The following RORA variants were observed in gnomAD, a reference collection of about 807,000 sequenced individuals.
The protein encoded by RORA is RAR related orphan receptor A, also known as nuclear receptor ROR-alpha.
In RORA, 7 loss-of-function variants were observed where a neutral mutation model predicts 69.5. The ratio of observed to expected loss-of-function variants is 0.10; its 90% CI spans 0.06 to 0.19. The LOEUF (loss-of-function observed/expected upper bound fraction) is 0.19, where lower values mean the gene tolerates loss of function less well. Ranked by LOEUF, RORA falls within the 10% of genes least tolerant of loss-of-function variation. RORA has a pLI of 1.00. For missense variants in RORA, 457 were observed against 663.0 expected (o/e 0.69, Z 3.41); for synonymous variants, 261 against 240.8 (o/e 1.08, Z -0.78).
chr15:61,062,611 C>T (rs190103972), intron 1 of RORA, among the ~76,000 whole-genome samples: 1 of 152,312 alleles, frequency 6.6e-6, no homozygotes, highest in East Asian at 1.9e-4. Context: ...ACCCCTGCTT[C>T]TCAGATGGGC....
intron 1 of RORA, among the ~76,000 whole-genome samples, chr15:61,065,995 C>T (rs1379509980): frequency 6.6e-6 from 1 of 152,190 alleles, no homozygotes; most frequent in East Asian, 1.9e-4. Context: ...ACAACTGAAT[C>T]CCATGCTCAA....
rs567600791 is a variant in RORA, at chr15:60,702,091, G to A, written c.167-23405C>T. 3.2e-4 allele frequency among the ~76,000 whole-genome samples: 48 copies of A among 152,312 alleles called. No individual in the cohort carries two copies. In the South Asian group the frequency reaches 8.1e-3, roughly 26 times the overall value. ...GCTGAGAGCACAGGCAGATGATGGA[G>A]TTTGAGGCTGGGATCAGTGCTTACC... On this transcript the variant is annotated intron_variant, in intron 1 of 10. Coordinates refer to ENST00000335670, the MANE Select transcript of RORA (RefSeq NM_134261.3).
At chr15:60,894,273 G>T (rs919666602) in intron 1 of RORA, among the ~76,000 whole-genome samples, 4 of 152,242 alleles carry the variant, frequency 2.6e-5, no homozygotes. Flanking sequence ...TTTCAAAAAA[G>T]TATCAAGAAT....
intron 1 of RORA, among the ~76,000 whole-genome samples, chr15:61,221,012 C>A (rs2080090720): frequency 6.6e-6 from 1 of 152,186 alleles, no homozygotes; most frequent in Non-Finnish European, 1.5e-5. Flanking sequence ...ATCTTTCCCC[C>A]AAAATACTTC....
At chr15:60,598,221 A>G (rs557325547) in intron 2 of RORA, among the ~76,000 whole-genome samples, 1 of 152,338 alleles carries the variant, frequency 6.6e-6, no homozygotes, top group South Asian at 2.1e-4. Context: ...TGTGCCTGAC[A>G]TAAAATGTTA....
intron 1 of RORA, among the ~76,000 whole-genome samples, chr15:60,884,284 A>T (rs904246267): frequency 1.3e-5 from 2 of 152,044 alleles, no homozygotes; most frequent in Admixed American, 6.6e-5. Context: ...ACCTAAAAAG[A>T]CCAATGTTAA....
At chr15:60,554,180 T>C (rs1242504485) in intron 2 of RORA, among the ~76,000 whole-genome samples, 2 of 152,202 alleles carry the variant, frequency 1.3e-5, no homozygotes, top group Admixed American at 1.3e-4. Context: ...TTGCTGATAA[T>C]TGATTTTTTA....
intron 1 of RORA, among the ~76,000 whole-genome samples, chr15:60,774,060 A>T (rs977571395): frequency 6.6e-6 from 1 of 152,052 alleles, no homozygotes; most frequent in African/African-American, 2.4e-5. Flanking sequence ...AGAGATCACT[A>T]ACGTGGCACA....
intron 2 of RORA, among the ~76,000 whole-genome samples, chr15:60,597,892 C>T (rs983358981): frequency 6.6e-6 from 1 of 151,466 alleles, no homozygotes; most frequent in Non-Finnish European, 1.5e-5. Context: ...ACTTTCTTCC[C>T]TTTCTCTATG....
At chr15:60,952,750 C>G (rs1893147048) in intron 1 of RORA, among the ~76,000 whole-genome samples, 2 of 148,078 alleles carry the variant, frequency 1.4e-5, no homozygotes, top group Admixed American at 1.4e-4. Flanking sequence ...TGAAGGACCT[C>G]TTCAAGGAGA....
chr15:60,646,938 G>GT (rs1410152442), intron 2 of RORA, among the ~76,000 whole-genome samples: 1 of 152,202 alleles, frequency 6.6e-6, no homozygotes, highest in African/African-American at 2.4e-5. Context: ...AAAATACAAA[G>GT]TGCAGCATAC....
At chr15:61,200,083 G>T (rs565921377) in intron 1 of RORA, among the ~76,000 whole-genome samples, 6 of 152,196 alleles carry the variant, frequency 3.9e-5, no homozygotes, top group African/African-American at 1.4e-4. Flanking sequence ...CAGTAAGTCA[G>T]GGGTGACATG....
chr15:61,228,140 C>A (rs1306082300), intron 1 of RORA, among the ~76,000 whole-genome samples: 1 of 152,144 alleles, frequency 6.6e-6, no homozygotes, highest in African/African-American at 2.4e-5. Flanking sequence ...ACTGACCATC[C>A]CCAGGTTCCT....
At chr15:60,799,765 A>G (rs1276708802) in intron 1 of RORA, among the ~76,000 whole-genome samples, 2 of 152,190 alleles carry the variant, frequency 1.3e-5, no homozygotes, top group African/African-American at 4.8e-5. Flanking sequence ...CATGTCCCAG[A>G]GACTGCAATA....
chr15:60,989,579 G>C (rs966744534), intron 1 of RORA, among the ~76,000 whole-genome samples: 1 of 152,178 alleles, frequency 6.6e-6, no homozygotes, highest in Non-Finnish European at 1.5e-5. Flanking sequence ...CTCAAGAGTG[G>C]AATTGCTGCT....
chr15:60,872,745 C>A (rs989737323), intron 1 of RORA, among the ~76,000 whole-genome samples: 1 of 152,150 alleles, frequency 6.6e-6, no homozygotes, highest in Non-Finnish European at 1.5e-5. Context: ...AATTCCCCAG[C>A]AACAACAATA....
chr15:60,929,658 A>T (rs547586999), intron 1 of RORA, among the ~76,000 whole-genome samples: 2 of 152,342 alleles, frequency 1.3e-5, no homozygotes, highest in African/African-American at 4.8e-5. Flanking sequence ...TGGAGTAGAA[A>T]GTGCTACAAG....
intron 2 of RORA, among the ~76,000 whole-genome samples, chr15:60,616,731 G>T (rs35778764): frequency 6.6e-6 from 1 of 152,106 alleles, no homozygotes; most frequent in African/African-American, 2.4e-5. Flanking sequence ...AATCTTGTGC[G>T]TTGCACAAAT....
At chr15:60,933,696 T>C (rs894687631) in intron 1 of RORA, among the ~76,000 whole-genome samples, 3 of 152,226 alleles carry the variant, frequency 2.0e-5, no homozygotes, top group African/African-American at 7.2e-5. Flanking sequence ...TCTGTACTAA[T>C]GAACAAATGA....
Sources: allele counts gnomAD v4.1 joint callset (sites outside exome capture counted in the v4.1 genomes callset), GRCh38; gene constraint gnomAD v4.1.1; transcripts MANE v1.5; gene names NCBI Gene and HGNC (gene_info 2026-07-23, HGNC 2026-07-21).